IL1R1: variants seen among roughly 807,000 people sequenced by gnomAD.
IL1R1 encodes interleukin 1 receptor type 1.
IL1R1 carries 22 observed loss-of-function variants against 50.2 expected under a neutral mutation model. The ratio of observed to expected loss-of-function variants is 0.44; its 90% CI spans 0.31 to 0.63. The LOEUF (loss-of-function observed/expected upper bound fraction) is 0.63. Among genes scored for constraint, IL1R1 ranks in the 20% least tolerant of loss-of-function variants. The pLI, the probability that IL1R1 is intolerant of heterozygous loss-of-function variation, is 0.07. For missense variants in IL1R1, 509 were observed against 676.2 expected, an observed-to-expected ratio of 0.75 and a Z score of 2.74; for synonymous variants, 251 against 236.7, an observed-to-expected ratio of 1.06 and a Z score of -0.55.
intron 3 of IL1R1, among the ~76,000 whole-genome samples, chr2:102,162,458 C>T (rs1278010580): frequency 6.6e-6 from 1 of 152,022 alleles, no homozygotes; most frequent in East Asian, 1.9e-4. Context: ...TTCTATTTGT[C>T]CCATCAATTC....
At chr2:102,080,157 C>A (rs1310737450) in intron 1 of IL1R1, among the ~76,000 whole-genome samples, 1 of 152,092 alleles carries the variant, frequency 6.6e-6, no homozygotes, top group Non-Finnish European at 1.5e-5. Context: ...AAATATAAAT[C>A]TTTGTGACCT....
chr2:102,156,809 G>T (rs1684237619), intron 2 of IL1R1, among the ~76,000 whole-genome samples: 1 of 152,120 alleles, frequency 6.6e-6, no homozygotes, highest in Non-Finnish European at 1.5e-5. Context: ...CACCACACCT[G>T]ACCATAATAC....
intron 1 of IL1R1, among the ~76,000 whole-genome samples, chr2:102,088,126 T>A (rs1679506840): frequency 6.6e-6 from 1 of 152,242 alleles, no homozygotes; most frequent in Admixed American, 6.5e-5. Flanking sequence ...GTTGATATGT[T>A]GACCTCCTCT....
chr2:102,078,562 T>TCACACACACACA lies in IL1R1; in HGVS notation c.-84+8056_-84+8067dup, dbSNP rs35407722. On this transcript the variant is annotated intron_variant, in intron 1 of 11. Transcript: ENST00000409929. ...ACACTGAATTAGCAGTCAAAAAACT[T>TCACACACACACA]CACACACACACACACACACACACAC... Among the ~76,000 whole-genome samples the TCACACACACACA allele has an allele frequency of 5.2e-3, 545 of 104,088 alleles. 5 individuals carry two copies. The highest frequency in any genetic ancestry group is 0.018 in the African/African-American group (521 of 29,600). 68.3% of individuals were successfully genotyped at this position (104,088 alleles called of 152,430 possible).
At chr2:102,130,619 C>T (rs1681975112) in intron 1 of IL1R1, among the ~76,000 whole-genome samples, 1 of 151,922 alleles carries the variant, frequency 6.6e-6, no homozygotes, top group Non-Finnish European at 1.5e-5. Context: ...TACTTCCTTC[C>T]CCCAAAGTCT....
chr2:102,160,673 G>A (rs965182404), intron 3 of IL1R1, among the ~76,000 whole-genome samples: 2 of 152,110 alleles, frequency 1.3e-5, no homozygotes, highest in African/African-American at 4.8e-5. Flanking sequence ...AGGTACCAGA[G>A]AACTAGGGAC....
rs1294079951 is a variant in IL1R1 at position 102,172,744 on chromosome 2, G to A, written c.897G>A (p.Ser299=). The A allele has an allele frequency of 9.3e-6, 15 of 1,612,460 alleles. No individual in the cohort carries two copies. Among genetic ancestry groups the A allele is most frequent in the East Asian group, 6.7e-5 (3 of 44,856 alleles). ...RSTLITVLNI[S]EIESRFYKHP... is the part of the protein sequence containing the mutation. ...CCCTCATCACAGTGCTTAATATATC[G>A]GAAATTGAAAGTAGATTTTATAAAC... Residue 299 remains serine (S), a synonymous_variant, in exon 9 of 12, where the codon TCG becomes TCA. Coordinates refer to ENST00000410023, the MANE Select transcript of IL1R1 (RefSeq NM_000877.4).
intron 1 of IL1R1, among the ~76,000 whole-genome samples, chr2:102,120,116 C>A (rs114469532): frequency 4.6e-5 from 7 of 152,054 alleles, no homozygotes; most frequent in African/African-American, 1.7e-4. Context: ...TTGGCCAGAT[C>A]GGACCTACAG....
At chr2:102,097,126 T>C (rs1352890931) in intron 1 of IL1R1, among the ~76,000 whole-genome samples, 5 of 152,212 alleles carry the variant, frequency 3.3e-5, no homozygotes, top group African/African-American at 1.2e-4. Context: ...GGTCATTGGC[T>C]CTTTTTCGTG....
chr2:102,083,334 T>C (rs1332356211), intron 1 of IL1R1, among the ~76,000 whole-genome samples: 1 of 151,740 alleles, frequency 6.6e-6, no homozygotes, highest in Admixed American at 6.6e-5. Flanking sequence ...AGAATAGAAC[T>C]TTTTTTTTCC....
At chr2:102,070,977 A>T (rs1015220908) in intron 1 of IL1R1, among the ~76,000 whole-genome samples, 5 of 152,178 alleles carry the variant, frequency 3.3e-5, no homozygotes, top group African/African-American at 9.7e-5. Flanking sequence ...CTTTTTCAAG[A>T]TAGACATGGA....
exon 1 of IL1R1, chr2:102,104,701 A>T (rs888764303): frequency 6.6e-6 from 1 of 152,214 alleles, no homozygotes; most frequent in Non-Finnish European, 1.5e-5. Flanking sequence ...ACAGACCTGA[A>T]TTAACAACTC....
intron 1 of IL1R1, among the ~76,000 whole-genome samples, chr2:102,085,140 T>C (rs1025892243): frequency 6.6e-6 from 1 of 152,252 alleles, no homozygotes; most frequent in South Asian, 2.1e-4. Context: ...GAACACTTTG[T>C]CAGCAGTATC....
In IL1R1 at chr2:102,074,818, T is replaced by C. The variant is rs1304940305; in HGVS notation, c.-84+4285T>C. ...CATTTAAAACATGGTCTGCTCCAGA[T>C]GGAGGATTTGGTGATTTTTATTTTC... On this transcript the variant is annotated intron_variant, in intron 1 of 11. Coordinates refer to the IL1R1 transcript ENST00000409929. Among the ~76,000 whole-genome samples the C allele has an allele frequency of 7.2e-5, 11 of 152,288 alleles. No individual in the cohort carries two copies. The East Asian group carries it at 1.9e-3, about 27-fold the overall frequency.
At chr2:102,174,924 C>A (rs1470730127) in intron 10 of IL1R1, among the ~76,000 whole-genome samples, 194 bp downstream of exon 10, 3 of 152,082 alleles carry the variant, frequency 2.0e-5, no homozygotes, top group African/African-American at 4.8e-5. Context: ...TTTCTAAGTT[C>A]CTGCCTCAAC....
chr2:102,110,889 G>T (rs1257515573), intron 1 of IL1R1, among the ~76,000 whole-genome samples: 1 of 152,120 alleles, frequency 6.6e-6, no homozygotes, highest in East Asian at 1.9e-4. Flanking sequence ...AGAGACAGAA[G>T]GCTGCAGAGA....
intron 1 of IL1R1, among the ~76,000 whole-genome samples, chr2:102,082,109 C>A (rs186040049): frequency 6.6e-6 from 1 of 152,172 alleles, no homozygotes; most frequent in Non-Finnish European, 1.5e-5. Context: ...TTCATTTCCT[C>A]GTCCTCCCTT....
At chr2:102,117,723 C>G (rs770883241) in intron 1 of IL1R1, among the ~76,000 whole-genome samples, 1 of 152,076 alleles carries the variant, frequency 6.6e-6, no homozygotes, top group South Asian at 2.1e-4. Context: ...AAGGATTTCT[C>G]AGAACCGGTG....
chr2:102,088,292 A>G (rs188586060), intron 1 of IL1R1, among the ~76,000 whole-genome samples: 3 of 152,354 alleles, frequency 2.0e-5, no homozygotes, highest in Admixed American at 6.5e-5. Context: ...GAAAGTCAAA[A>G]TTACCTCTTG....
Sources: gnomAD v4.1 joint callset for allele counts (sites outside exome capture counted in the v4.1 genomes callset) on GRCh38, gnomAD v4.1.1 for gene constraint, MANE v1.5 for transcripts, NCBI Gene and HGNC (gene_info 2026-07-23, HGNC 2026-07-21) for gene names.